TCF12: variants seen among roughly 807,000 people sequenced by gnomAD.
The protein encoded by TCF12 is transcription factor 12, also known as DNA-binding protein HTF4.
A neutral mutation model predicts 86.0 loss-of-function variants in TCF12; 45 were observed. That is an observed-to-expected ratio of 0.52 (90% CI 0.41 to 0.67). The LOEUF (loss-of-function observed/expected upper bound fraction) is 0.67, where lower values mean the gene tolerates loss of function less well. Ranked by LOEUF, TCF12 falls within the 30% of genes least tolerant of loss-of-function variation. TCF12 has a pLI of 0.00. For synonymous variants in TCF12, 330 were observed against 299.6 expected, an observed-to-expected ratio of 1.10 and a Z score of -1.05; for missense variants, 881 against 859.9, an observed-to-expected ratio of 1.02 and a Z score of -0.31.
chr15:56,984,297 G>C (rs1340719922), intron 3 of TCF12, among the ~76,000 whole-genome samples: 1 of 60,846 alleles, frequency 1.6e-5, no homozygotes, highest in Non-Finnish European at 4.1e-5. Flanking sequence ...TGTGTGTGAA[G>C]GGTGGAGAGG....
chr15:57,145,659 G>A (rs2053307198), intron 5 of TCF12, among the ~76,000 whole-genome samples: 3 of 151,690 alleles, frequency 2.0e-5, no homozygotes, highest in South Asian at 4.1e-4. Flanking sequence ...AAGAGTTGGT[G>A]TAGGAGTCAC....
intron 3 of TCF12, among the ~76,000 whole-genome samples, chr15:56,989,954 G>A (rs1454449050): frequency 6.6e-6 from 1 of 152,078 alleles, no homozygotes; most frequent in Non-Finnish European, 1.5e-5. Flanking sequence ...TTAAACAATA[G>A]AGTTTATTAG....
chr15:57,044,397 T>TAA (rs200022094), intron 3 of TCF12, among the ~76,000 whole-genome samples: 1 of 150,716 alleles, frequency 6.6e-6, no homozygotes, highest in Admixed American at 6.6e-5. Flanking sequence ...CCCCGTCTCT[T>TAA]AAAAAAAAAA....
chr15:56,991,793 C>CT (rs35194092), intron 3 of TCF12, among the ~76,000 whole-genome samples: 34,144 of 151,756 alleles, frequency 0.22, 3,892 homozygotes, highest in Middle Eastern at 0.24. Context: ...TTATAGTGCC[C>CT]TTTTTTTTAT....
At chr15:56,953,679 A>G (rs1441686027) in intron 3 of TCF12, among the ~76,000 whole-genome samples, 2 of 152,016 alleles carry the variant, frequency 1.3e-5, no homozygotes, top group East Asian at 1.9e-4. Flanking sequence ...AAGATTGTTT[A>G]TATCATATAA....
intron 5 of TCF12, among the ~76,000 whole-genome samples, chr15:57,112,094 C>A (rs1457463496): frequency 6.6e-6 from 1 of 152,158 alleles, no homozygotes; most frequent in Non-Finnish European, 1.5e-5. Context: ...TCCTCTGCCC[C>A]TCATCCGTCT....
intron 12 of TCF12, among the ~76,000 whole-genome samples, chr15:57,235,928 T>A (rs1194794303): frequency 6.6e-6 from 1 of 152,122 alleles, no homozygotes; most frequent in Non-Finnish European, 1.5e-5. Context: ...TATCTTCCCC[T>A]GTTATAAACA....
At chr15:57,128,002 T>TA (rs2051803329) in intron 5 of TCF12, among the ~76,000 whole-genome samples, 1 of 152,188 alleles carries the variant, frequency 6.6e-6, no homozygotes, top group Non-Finnish European at 1.5e-5. Flanking sequence ...AAAAGGGGGA[T>TA]ATAATGTTCA....
chr15:57,114,760 A>G (rs1277124537), intron 5 of TCF12, among the ~76,000 whole-genome samples: 1 of 152,244 alleles, frequency 6.6e-6, no homozygotes, highest in East Asian at 1.9e-4. Context: ...AAATAGAACA[A>G]CATTCTTGGT....
intron 5 of TCF12, among the ~76,000 whole-genome samples, chr15:57,132,197 T>A (rs758732855): frequency 1.3e-5 from 2 of 152,210 alleles, no homozygotes; most frequent in Non-Finnish European, 2.9e-5. Flanking sequence ...TTATTTTGAC[T>A]AATCACTAGA....
At chr15:57,221,233 A>G (rs545803700) in intron 8 of TCF12, among the ~76,000 whole-genome samples, 23 of 152,312 alleles carry the variant, frequency 1.5e-4, no homozygotes, top group African/African-American at 5.5e-4. Context: ...AGCTTTGGAT[A>G]ATGTAAGAAG....
intron 5 of TCF12, among the ~76,000 whole-genome samples, chr15:57,110,666 T>G (rs2050426434): frequency 6.6e-6 from 1 of 152,168 alleles, no homozygotes; most frequent in Non-Finnish European, 1.5e-5. Flanking sequence ...AACCCTTTAA[T>G]TTAGGAAGTT....
intron 3 of TCF12, among the ~76,000 whole-genome samples, chr15:56,971,915 A>G (rs1400210977): frequency 6.6e-6 from 1 of 152,204 alleles, no homozygotes; most frequent in African/African-American, 2.4e-5. Context: ...AGTAGATGGA[A>G]GAAGGGGGTA....
At chr15:57,035,912 G>A (rs1003650327) in intron 3 of TCF12, among the ~76,000 whole-genome samples, 2 of 152,116 alleles carry the variant, frequency 1.3e-5, no homozygotes, top group Admixed American at 6.5e-5. Context: ...GATCAGCAGC[G>A]GCATTAGATT....
chr15:56,938,724 A>G (rs1261644067), intron 3 of TCF12, among the ~76,000 whole-genome samples: 1 of 146,316 alleles, frequency 6.8e-6, no homozygotes, highest in African/African-American at 2.6e-5. Context: ...GCCCCCCTTC[A>G]TGACATCATC....
intron 3 of TCF12, among the ~76,000 whole-genome samples, chr15:56,984,979 T>G (rs998626631): frequency 3.3e-5 from 5 of 152,124 alleles, no homozygotes; most frequent in Admixed American, 6.6e-5. Context: ...GTGGTAGAAA[T>G]TATCTTTCTA....
chr15:57,247,834 T>A (rs2059932843), intron 13 of TCF12: 3 of 753,486 alleles, frequency 4.0e-6, no homozygotes, highest in Non-Finnish European at 7.3e-6. Context: ...TGGAACGTGT[T>A]TTTTGGGGTC....
intron 12 of TCF12, among the ~76,000 whole-genome samples, chr15:57,236,283 A>C (rs2059377468): frequency 6.6e-6 from 1 of 152,176 alleles, no homozygotes; most frequent in African/African-American, 2.4e-5. Flanking sequence ...CATTCACTTT[A>C]ATATATGTTT....
chr15:57,257,033 T>G (rs1161834872), intron 16 of TCF12, among the ~76,000 whole-genome samples: 1 of 152,212 alleles, frequency 6.6e-6, no homozygotes, highest in Non-Finnish European at 1.5e-5. Flanking sequence ...CACAACTACT[T>G]AACTCTGACA....
Sources: gnomAD v4.1 joint callset for allele counts (sites outside exome capture counted in the v4.1 genomes callset) on GRCh38, gnomAD v4.1.1 for gene constraint, MANE v1.5 for transcripts, NCBI Gene and HGNC (gene_info 2026-07-23, HGNC 2026-07-21) for gene names.